SCHIP1: variants seen among roughly 807,000 people sequenced by gnomAD.
The protein encoded by SCHIP1 is schwannomin-interacting protein 1.
In SCHIP1, 8 loss-of-function variants were observed where a neutral mutation model predicts 29.7. The observed-to-expected ratio is 0.27, with a 90% CI of 0.16 to 0.49. SCHIP1 has a LOEUF of 0.49. SCHIP1 is among the 20% of genes least tolerant of loss of function. The probability of loss-of-function intolerance (pLI) is 0.99; values close to 1 mark genes in which losing one functional copy is unlikely to be tolerated. For synonymous variants in SCHIP1, 76 were observed against 94.9 expected (o/e 0.80, Z 1.16); for missense variants, 193 against 294.6 (o/e 0.66, Z 2.52).
chr3:159,360,970 G>T, the SCHIP1 span, among the ~76,000 whole-genome samples: 1 of 152,070 alleles, frequency 6.6e-6, no homozygotes, highest in African/African-American at 2.4e-5. Flanking sequence ...ACAATATCGG[G>T]GTTACTTTTA....
chr3:159,492,966 A>G, the SCHIP1 span, among the ~76,000 whole-genome samples: 1 of 152,382 alleles, frequency 6.6e-6, no homozygotes, highest in South Asian at 2.1e-4. Context: ...TAAAGAAAAG[A>G]AGTTTCAACC....
the SCHIP1 span, among the ~76,000 whole-genome samples, chr3:159,480,298 A>G: frequency 6.6e-6 from 1 of 152,112 alleles, no homozygotes; most frequent in Non-Finnish European, 1.5e-5. Context: ...TTGCCCCACT[A>G]TTCTCACAAG....
the SCHIP1 span, among the ~76,000 whole-genome samples, chr3:159,581,543 T>G: frequency 9.3e-3 from 1,420 of 152,142 alleles, 25 homozygotes; most frequent in African/African-American, 0.032. Flanking sequence ...GATGCAGTAA[T>G]TCTCACCCTC....
the SCHIP1 span, among the ~76,000 whole-genome samples, chr3:159,546,221 G>A: frequency 6.6e-6 from 1 of 151,460 alleles, no homozygotes. Flanking sequence ...TATTTTTATT[G>A]TCTCATTCTA....
At chr3:159,853,823 T>C (rs1028759301) in intron 1 of SCHIP1, among the ~76,000 whole-genome samples, 3 of 152,274 alleles carry the variant, frequency 2.0e-5, no homozygotes, top group Non-Finnish European at 4.4e-5. Flanking sequence ...TAACCTATTT[T>C]TCCAATTTTT....
the SCHIP1 span, among the ~76,000 whole-genome samples, chr3:159,611,302 A>T: frequency 6.6e-6 from 1 of 152,176 alleles, no homozygotes; most frequent in Admixed American, 6.5e-5. Flanking sequence ...GGACACACTC[A>T]TGGTGCAGCT....
At chr3:159,837,584 G>T (rs530988915), upstream of SCHIP1, among the ~76,000 whole-genome samples, 3 of 152,096 alleles carry the variant, frequency 2.0e-5, no homozygotes, top group Admixed American at 1.3e-4. Flanking sequence ...TTAGCCGGGC[G>T]TGGTGGTGCG....
the SCHIP1 span, among the ~76,000 whole-genome samples, chr3:159,376,836 T>C: frequency 6.6e-6 from 1 of 152,138 alleles, no homozygotes; most frequent in Non-Finnish European, 1.5e-5. Flanking sequence ...AGTTTTGGGC[T>C]CCATATTGAA....
the SCHIP1 span, among the ~76,000 whole-genome samples, chr3:159,483,568 TC>T: frequency 6.6e-6 from 1 of 152,168 alleles, no homozygotes; most frequent in East Asian, 1.9e-4. Context: ...TTGGAGATAT[TC>T]CATAAACTCA....
the SCHIP1 span, among the ~76,000 whole-genome samples, chr3:159,554,087 G>T: frequency 6.6e-6 from 1 of 151,194 alleles, no homozygotes; most frequent in South Asian, 2.1e-4. Context: ...AGCCGGGGTG[G>T]TCTCGGACTC....
the SCHIP1 span, among the ~76,000 whole-genome samples, chr3:159,625,999 C>A: frequency 6.6e-6 from 1 of 151,538 alleles, no homozygotes; most frequent in Non-Finnish European, 1.5e-5. Context: ...GAGGATTTGA[C>A]ATGAACAGCG....
At chr3:159,404,870 C>T in the SCHIP1 span, among the ~76,000 whole-genome samples, 2 of 152,212 alleles carry the variant, frequency 1.3e-5, no homozygotes, top group Non-Finnish European at 2.9e-5. Flanking sequence ...TTACCAAACA[C>T]AGTCCCAGTG....
the SCHIP1 span, among the ~76,000 whole-genome samples, chr3:159,621,104 A>T: frequency 1.3e-5 from 2 of 152,228 alleles, no homozygotes; most frequent in Non-Finnish European, 2.9e-5. Flanking sequence ...GCGGCAGGCT[A>T]TGTGATGAGA....
At chr3:159,347,435 A>G in the SCHIP1 span, among the ~76,000 whole-genome samples, 1 of 152,206 alleles carries the variant, frequency 6.6e-6, no homozygotes, top group South Asian at 2.1e-4. Context: ...AATTTGTCCA[A>G]TTGTGGAAAG....
the SCHIP1 span, chr3:159,764,815 C>G: frequency 1.9e-6 from 3 of 1,585,136 alleles, no homozygotes; most frequent in Middle Eastern, 1.7e-4. This position sits in a 1 kb window ranked among gnomAD's most constrained non-coding sequence, Gnocchi z 6.1. Context: ...CATGCCGCCC[C>G]CGGTGCCCAA....
the SCHIP1 span, among the ~76,000 whole-genome samples, chr3:159,611,010 A>G: frequency 6.6e-6 from 1 of 152,172 alleles, no homozygotes; most frequent in African/African-American, 2.4e-5. Flanking sequence ...AATAACTCTA[A>G]GAAGCAGGCA....
At chr3:159,417,327 G>T in the SCHIP1 span, among the ~76,000 whole-genome samples, 1 of 152,180 alleles carries the variant, frequency 6.6e-6, no homozygotes, top group Non-Finnish European at 1.5e-5. Context: ...TCAGCCAATT[G>T]TAAAGAGTCA....
the SCHIP1 span, among the ~76,000 whole-genome samples, chr3:159,354,137 C>T: frequency 6.6e-6 from 1 of 152,172 alleles, no homozygotes; most frequent in Non-Finnish European, 1.5e-5. Flanking sequence ...TTGTTACTCA[C>T]TGACTTATAA....
the SCHIP1 span, among the ~76,000 whole-genome samples, chr3:159,466,086 T>C: frequency 1.3e-5 from 2 of 152,198 alleles, no homozygotes; most frequent in Non-Finnish European, 2.9e-5. Flanking sequence ...TCATAGTAAC[T>C]ATAAAACATT....
Sources: allele counts gnomAD v4.1 joint callset (sites outside exome capture counted in the v4.1 genomes callset), GRCh38; gene constraint gnomAD v4.1.1; non-coding constraint Gnocchi (gnomAD v3.1); transcripts MANE v1.5; gene names NCBI Gene and HGNC (gene_info 2026-07-23, HGNC 2026-07-21).